Variants in SCFD2 observed in about 807,000 individuals in gnomAD.
SCFD2 encodes sec1 family domain-containing protein 2.
Under a neutral mutation model 58.9 loss-of-function variants are expected in SCFD2, and 54 were observed. The ratio of observed to expected loss-of-function variants is 0.92; its 90% CI spans 0.74 to 1.15. SCFD2 has a LOEUF of 1.15. SCFD2 is among the 50% of genes most tolerant of loss of function. SCFD2 has a pLI of 0.00. For missense variants in SCFD2, 805 were observed against 836.6 expected, an observed-to-expected ratio of 0.96 and a Z score of 0.47; for synonymous variants, 321 against 335.9, an observed-to-expected ratio of 0.96 and a Z score of 0.49.
chr4:52,986,877 G>T (rs1721508749), intron 5 of SCFD2, among the ~76,000 whole-genome samples: 1 of 152,034 alleles, frequency 6.6e-6, no homozygotes. Flanking sequence ...GGTAAATGAG[G>T]TTAAGATTCT....
chr4:53,145,226 C>T, intron 5 of SCFD2, 107 bp downstream of exon 5: 1 of 1,372,618 alleles, frequency 7.3e-7, no homozygotes, highest in Non-Finnish European at 1.0e-6. Context: ...AAATTCCAAA[C>T]AACTCCAGTG....
intron 5 of SCFD2, among the ~76,000 whole-genome samples, chr4:53,141,696 T>C (rs2148909578): frequency 6.6e-6 from 1 of 150,386 alleles, no homozygotes; most frequent in South Asian, 2.1e-4. Flanking sequence ...GTCTACACAT[T>C]TTATACCTCC....
intron 7 of SCFD2, among the ~76,000 whole-genome samples, chr4:52,902,840 C>T (rs749842611): frequency 6.6e-5 from 10 of 152,164 alleles, no homozygotes; most frequent in Non-Finnish European, 1.5e-4. Context: ...GGTAGTGTGA[C>T]TCCAGATGTG....
At chr4:52,932,337 A>G (rs988336877) in intron 5 of SCFD2, among the ~76,000 whole-genome samples, 1 of 152,216 alleles carries the variant, frequency 6.6e-6, no homozygotes, top group Non-Finnish European at 1.5e-5. Flanking sequence ...CTAATTGTCC[A>G]TTTGTAGAAA....
At chr4:52,907,369 T>C (rs1719371068) in intron 7 of SCFD2, 88 bp downstream of exon 7, 2 of 1,295,586 alleles carry the variant, frequency 1.5e-6, no homozygotes, top group African/African-American at 1.5e-5. Context: ...TGTATGGTGC[T>C]GGCTAGGGTT....
intron 7 of SCFD2, among the ~76,000 whole-genome samples, chr4:52,890,994 G>T (rs1718866796): frequency 2.0e-5 from 3 of 152,018 alleles, no homozygotes; most frequent in African/African-American, 7.2e-5. Context: ...CAAGGGGCAG[G>T]TCATTCTCCA....
At chr4:53,333,666 A>T (rs1380025973) in intron 2 of SCFD2, among the ~76,000 whole-genome samples, 5 of 140,844 alleles carry the variant, frequency 3.6e-5, no homozygotes, top group African/African-American at 1.3e-4. Flanking sequence ...AACCTAGGCA[A>T]TACCATTCAG....
chr4:53,355,514 C>T (rs145408498), intron 1 of SCFD2, among the ~76,000 whole-genome samples: 1 of 152,150 alleles, frequency 6.6e-6, no homozygotes, highest in Admixed American at 6.5e-5. Flanking sequence ...CTCTCGTAAT[C>T]TCTTTAGTAA....
chr4:53,318,982 A>G (rs1024715987), intron 2 of SCFD2, among the ~76,000 whole-genome samples: 6 of 152,194 alleles, frequency 3.9e-5, no homozygotes, highest in Non-Finnish European at 8.8e-5. Context: ...AAAAGGCAAA[A>G]TCACAACTGA....
intron 4 of SCFD2, among the ~76,000 whole-genome samples, chr4:53,195,805 G>A (rs981443146): frequency 6.6e-6 from 1 of 152,112 alleles, no homozygotes; most frequent in African/African-American, 2.4e-5. Flanking sequence ...GCAAAGAAAA[G>A]TACATTTCTA....
Position 53,323,868 on chromosome 4 carries a change from C to T in SCFD2, c.1008-10105G>A, listed in dbSNP as rs186397621. On this transcript the variant is annotated intron_variant, in intron 2 of 8. Coordinates refer to ENST00000401642, the MANE Select transcript of SCFD2 (RefSeq NM_152540.4). Reference sequence around the variant, plus strand: ...CCTGGGAAACCACTTTGAAAGGCTCCAGGCCTAAGGAACAGAGTAAAGAGG... The same window carrying T: ...CCTGGGAAACCACTTTGAAAGGCTCTAGGCCTAAGGAACAGAGTAAAGAGG... Among the ~76,000 whole-genome samples, 3 of 152,042 alleles carry T rather than the reference C, an allele frequency of 2.0e-5. No homozygotes were observed. In the East Asian group the frequency reaches 5.8e-4, roughly 29 times the overall value.
chr4:53,221,602 G>A (rs1282157810), intron 4 of SCFD2, among the ~76,000 whole-genome samples: 1 of 152,138 alleles, frequency 6.6e-6, no homozygotes, highest in African/African-American at 2.4e-5. Flanking sequence ...AATGGATATT[G>A]TCCAGATTTT....
At chr4:53,273,634 C>CA (rs1731239900) in intron 4 of SCFD2, 192 bp downstream of exon 4, 1 of 490,454 alleles carries the variant, frequency 2.0e-6, no homozygotes. Flanking sequence ...ATGTTACTGT[C>CA]AAAATTTTTT....
chr4:52,949,224 A>G (rs1164680442), intron 5 of SCFD2: 3 of 152,114 alleles, frequency 2.0e-5, no homozygotes, highest in Non-Finnish European at 4.4e-5. Flanking sequence ...CCTTTGTTCT[A>G]TAAACCTACA....
At chr4:53,288,211 G>GA (rs1163941808) in intron 3 of SCFD2, among the ~76,000 whole-genome samples, 4 of 152,078 alleles carry the variant, frequency 2.6e-5, no homozygotes, top group African/African-American at 9.6e-5. Context: ...GGAAACAAAA[G>GA]AAAAAATATT....
intron 2 of SCFD2, among the ~76,000 whole-genome samples, chr4:53,337,423 A>G (rs1733718870): frequency 6.6e-6 from 1 of 152,178 alleles, no homozygotes; most frequent in Admixed American, 6.5e-5. Context: ...TCTTCAACAT[A>G]TGAACTTGGG....
At chr4:53,200,660 T>A (rs7696930) in intron 4 of SCFD2, among the ~76,000 whole-genome samples, 1 of 152,052 alleles carries the variant, frequency 6.6e-6, no homozygotes, top group Non-Finnish European at 1.5e-5. Flanking sequence ...CTCTATGAGG[T>A]AGACTATCTG....
At chr4:53,050,356 C>CAACA (rs1193692290) in intron 5 of SCFD2, among the ~76,000 whole-genome samples, 1 of 152,160 alleles carries the variant, frequency 6.6e-6, no homozygotes, top group Admixed American at 6.5e-5. Context: ...ACCTCACCAG[C>CAACA]AACAGTCTGG....
chr4:53,255,812 C>A (rs1275230465), intron 4 of SCFD2, among the ~76,000 whole-genome samples: 2 of 150,784 alleles, frequency 1.3e-5, no homozygotes, highest in Admixed American at 6.6e-5. Flanking sequence ...CCCCTCACCT[C>A]CCGGACCGGG....
Sources: allele counts gnomAD v4.1 joint callset (sites outside exome capture counted in the v4.1 genomes callset), GRCh38; gene constraint gnomAD v4.1.1; transcripts MANE v1.5; gene names NCBI Gene and HGNC (gene_info 2026-07-23, HGNC 2026-07-21).